Variants in CP observed in about 807,000 individuals in gnomAD.
The protein encoded by CP is caeruloplasmin.
A neutral mutation model predicts 122.4 loss-of-function variants in CP; 64 were observed. The ratio of observed to expected loss-of-function variants is 0.52; its 90% CI spans 0.43 to 0.64. CP has a LOEUF of 0.64. Among genes scored for constraint, CP ranks in the 30% least tolerant of loss-of-function variants. The pLI is 0.00. For missense variants in CP, 1,167 were observed against 1,284.4 expected, an observed-to-expected ratio of 0.91 and a Z score of 1.40; for synonymous variants, 440 against 436.4, an observed-to-expected ratio of 1.01 and a Z score of -0.10.
chr3:149,205,921 A>G (rs191686795), intron 6 of CP, among the ~76,000 whole-genome samples: 20 of 152,342 alleles, frequency 1.3e-4, no homozygotes, highest in African/African-American at 4.8e-4. Context: ...TTTATCTAAT[A>G]GTATTCAGTG....
At chr3:149,165,605 G>A (rs1408220604) in intron 5 of CP, among the ~76,000 whole-genome samples, 1 of 152,044 alleles carries the variant, frequency 6.6e-6, no homozygotes, top group Non-Finnish European at 1.5e-5. Context: ...GGTTCCCAAA[G>A]TTCTGGGATT....
chr3:149,183,515 G>T lies in CP; in HGVS notation c.2376C>A (p.Phe792Leu), dbSNP rs1381978703. The T allele has an allele frequency of 6.2e-6, 10 of 1,611,162 alleles. No homozygotes were observed. Among genetic ancestry groups the T allele is most frequent in the Non-Finnish European group, 7.6e-6 (9 of 1,179,534 alleles). ...VVYRQYTDST[F>L]RVPVERKAEE... ...CAGCTTTTCTCTCCACTGGAACACG[G>T]AATGTGCTATCAGTATACTGCCGAT... Residue 792 changes from phenylalanine to leucine, a missense_variant, in exon 13 of 19, where the codon TTC (phenylalanine) becomes TTA (leucine). This residue lies in a region of CP where 525 missense variants were observed against 657.2 expected (regional missense o/e 0.80). Coordinates refer to ENST00000264613, the MANE Select transcript of CP (RefSeq NM_000096.4).
intron 7 of CP, among the ~76,000 whole-genome samples, chr3:149,201,323 G>A (rs1201894507): frequency 1.3e-5 from 2 of 151,642 alleles, no homozygotes; most frequent in Non-Finnish European, 1.5e-5. Flanking sequence ...TGGTTTCACC[G>A]TGTTAGCCAG....
intron 17 of CP, 27 bp downstream of exon 17, chr3:149,177,813 A>G (rs369739522): frequency 2.8e-5 from 45 of 1,610,518 alleles, no homozygotes; most frequent in Non-Finnish European, 3.7e-5. Flanking sequence ...AAACAGAGCA[A>G]GAGTAATTGC....
downstream of CP, chr3:149,167,815 C>A: frequency 2.2e-6 from 2 of 899,212 alleles, no homozygotes; most frequent in Non-Finnish European, 3.8e-6. Context: ...TGCTTTCCTG[C>A]ACAATCTTCT....
At chr3:149,221,104 A>G (rs1182007311) in intron 1 of CP, among the ~76,000 whole-genome samples, 2 of 152,204 alleles carry the variant, frequency 1.3e-5, no homozygotes, top group Non-Finnish European at 2.9e-5. Context: ...CGCTCTTTAA[A>G]TAACCCTATG....
rs1418860766 is a variant in CP, at chr3:149,173,480, C to G, written c.*234G>C. ...GGTGATATCATTAGACTGTATGAATCAGTTTTATTACCTAGTGTACAAGTG... is the reference window on the plus strand; with the variant it reads ...GGTGATATCATTAGACTGTATGAATGAGTTTTATTACCTAGTGTACAAGTG... On this transcript the variant is annotated 3_prime_UTR_variant, in exon 19 of 19. Transcript: ENST00000264613. 8.3e-6 allele frequency: 3 copies of G among 362,134 alleles called. No homozygotes were observed. The highest frequency in any genetic ancestry group is 2.1e-5 in the African/African-American group (1 of 46,960). The allele number at this position is 362,134 out of a possible 1,614,324, so 22.4% of individuals were successfully genotyped here.
intron 6 of CP, among the ~76,000 whole-genome samples, chr3:149,203,802 T>A (rs751001946): frequency 2.4e-4 from 36 of 152,320 alleles, no homozygotes; most frequent in Non-Finnish European, 4.3e-4. Context: ...CTTGTCCACG[T>A]GGACCTTACA....
At chr3:149,199,118 T>C (rs979348392) in intron 8 of CP, among the ~76,000 whole-genome samples, 4 of 152,222 alleles carry the variant, frequency 2.6e-5, no homozygotes, top group African/African-American at 9.6e-5. Flanking sequence ...CTGGTCCTTC[T>C]TGATGTGTAA....
intron 18 of CP, among the ~76,000 whole-genome samples, chr3:149,174,128 A>T (rs995681804): frequency 6.6e-6 from 1 of 152,180 alleles, no homozygotes; most frequent in Admixed American, 6.5e-5. Flanking sequence ...AAATCTAATC[A>T]TAAGGAAACA....
At position 149,167,042 on chromosome 3, in the gene CP, A is replaced by C. The variant is rs564057556; in HGVS notation, c.587-992T>G. 2.3e-5 allele frequency: 37 copies of C among 1,611,700 alleles called. No homozygotes were observed. The African/African-American group carries it at 4.5e-4, about 20-fold the overall frequency. The stretch of plus-strand genomic sequence containing the variant: ...CACTTTTCTGTTCATAGTCTCTTAT[A>C]TGTGGTCCTTCATTTGACATAGCTT... On this transcript the variant is annotated intron_variant, in intron 4 of 5. Coordinates refer to the CP transcript ENST00000479771.
At chr3:149,188,352 T>C (rs893110733) in intron 9 of CP, 150 bp from the exon 10 acceptor site, 6 of 662,646 alleles carry the variant, frequency 9.1e-6, no homozygotes, top group Non-Finnish European at 1.5e-5. Context: ...TCCTGAAATA[T>C]TTCAGTTCAC....
At chr3:149,187,127 A>T (rs1015377851) in intron 10 of CP, among the ~76,000 whole-genome samples, 5 of 149,368 alleles carry the variant, frequency 3.3e-5, no homozygotes, top group East Asian at 3.9e-4. Flanking sequence ...TTCTAGATTT[A>T]AAAAAAAAAG....
chr3:149,206,733 GA>G (rs1487337135), intron 5 of CP, among the ~76,000 whole-genome samples: 1 of 152,126 alleles, frequency 6.6e-6, no homozygotes, highest in Non-Finnish European at 1.5e-5. Context: ...GGTACCAAAT[GA>G]GCTTATATTA....
intron 13 of CP, among the ~76,000 whole-genome samples, chr3:149,182,808 A>G (rs566429502): frequency 1.4e-4 from 21 of 152,218 alleles, no homozygotes; most frequent in African/African-American, 5.1e-4. Flanking sequence ...AAAAGTAAAT[A>G]GCTGTAATTT....
At chr3:149,213,269 G>A (rs192296356) in intron 1 of CP, among the ~76,000 whole-genome samples, 3 of 151,940 alleles carry the variant, frequency 2.0e-5, no homozygotes, top group Admixed American at 2.0e-4. Context: ...CAATGTGTGT[G>A]GTTTTTAAAT....
chr3:149,198,327 A>G, intron 9 of CP, 40 bp downstream of exon 9: 2 of 1,483,400 alleles, frequency 1.3e-6, no homozygotes, highest in Non-Finnish European at 1.9e-6. Context: ...GATCATTTTC[A>G]AAGAGATTGA....
At chr3:149,180,011 T>G (rs1194157439) in intron 14 of CP, 2 of 284,836 alleles carry the variant, frequency 7.0e-6, no homozygotes, top group Non-Finnish European at 1.4e-5. Context: ...CTAATATACT[T>G]TTTTCTCTTC....
chr3:149,185,890 C>T (rs935652761), intron 11 of CP, among the ~76,000 whole-genome samples: 2 of 152,146 alleles, frequency 1.3e-5, no homozygotes, highest in Admixed American at 1.3e-4. Context: ...CATCTTATCT[C>T]TTTTGTTCAT....
Sources: allele counts gnomAD v4.1 joint callset (sites outside exome capture counted in the v4.1 genomes callset), GRCh38; gene constraint gnomAD v4.1.1; regional missense constraint gnomAD v4.1.1; transcripts MANE v1.5; gene names NCBI Gene and HGNC (gene_info 2026-07-23, HGNC 2026-07-21).